NPAS3: variants seen among roughly 807,000 people sequenced by gnomAD.
NPAS3 encodes the protein neuronal PAS domain protein 3, also known as neuronal PAS domain-containing protein 3.
In NPAS3, 14 loss-of-function variants were observed where a neutral mutation model predicts 73.1. The observed-to-expected ratio is 0.19, with a 90% CI of 0.13 to 0.30. The LOEUF is 0.30. NPAS3 is among the 10% of genes least tolerant of loss of function. NPAS3 has a pLI of 1.00. For missense variants in NPAS3, 1,096 were observed against 1,250.0 expected (o/e 0.88, Z 1.86); for synonymous variants, 620 against 541.5 (o/e 1.14, Z -2.01).
At chr14:33,023,102 A>G (rs945507334) in intron 1 of NPAS3, among the ~76,000 whole-genome samples, 2 of 151,914 alleles carry the variant, frequency 1.3e-5, no homozygotes, top group South Asian at 4.2e-4. Context: ...TAAAAAAAAA[A>G]GAAAAGAGGC....
intron 2 of NPAS3, among the ~76,000 whole-genome samples, chr14:33,075,334 T>C (rs1055939238): frequency 6.6e-6 from 1 of 152,236 alleles, no homozygotes; most frequent in Non-Finnish European, 1.5e-5. Context: ...TTATTAGCAA[T>C]GTGTTAAGTA....
At chr14:33,794,776 G>A (rs1391178339) in intron 10 of NPAS3, among the ~76,000 whole-genome samples, 1 of 152,088 alleles carries the variant, frequency 6.6e-6, no homozygotes. Context: ...TTCTGCCTTT[G>A]GATTCAAACT....
intron 2 of NPAS3, among the ~76,000 whole-genome samples, chr14:33,060,988 C>A (rs1380324931): frequency 6.6e-6 from 1 of 152,128 alleles, no homozygotes; most frequent in African/African-American, 2.4e-5. Context: ...GATTTGGATT[C>A]ACAACCAAAA....
At chr14:33,155,601 G>A (rs371163033) in intron 2 of NPAS3, among the ~76,000 whole-genome samples, 4 of 152,142 alleles carry the variant, frequency 2.6e-5, no homozygotes, top group East Asian at 3.9e-4. Flanking sequence ...TGTGCTAGTT[G>A]CTTAAGAGAT....
chr14:33,665,657 A>C (rs35570089), intron 5 of NPAS3, among the ~76,000 whole-genome samples: 2,102 of 152,302 alleles, frequency 0.014, 24 homozygotes, highest in Middle Eastern at 0.041. Context: ...GTAGCCACAA[A>C]AAATTTTTAA....
At chr14:33,050,765 C>T (rs1004517772) in intron 1 of NPAS3, among the ~76,000 whole-genome samples, 7 of 152,186 alleles carry the variant, frequency 4.6e-5, no homozygotes, top group African/African-American at 1.7e-4. Context: ...CTGTTTTCAG[C>T]CTATAGTTTA....
At chr14:33,631,678 C>G (rs182984496) in intron 5 of NPAS3, among the ~76,000 whole-genome samples, 3 of 152,286 alleles carry the variant, frequency 2.0e-5, no homozygotes, top group African/African-American at 7.2e-5. Context: ...CTTGTGAACT[C>G]AGCTTAGGAA....
chr14:33,575,622 T>A (rs147637474), intron 5 of NPAS3, among the ~76,000 whole-genome samples: 2 of 152,218 alleles, frequency 1.3e-5, no homozygotes, highest in African/African-American at 4.8e-5. Flanking sequence ...TTCAGTGAGC[T>A]CTTGGTAAGA....
chr14:33,553,429 T>A lies in NPAS3; in HGVS notation c.469-6692T>A, dbSNP rs540174528. Among the ~76,000 whole-genome samples the A allele has an allele frequency of 3.3e-5, 5 of 152,362 alleles. No individual in the cohort carries two copies. In the South Asian group the frequency reaches 1.0e-3, roughly 32 times the overall value. ...TATGGCTCTTAACTGTTTTCTCACC[T>A]AAGAGGTTTCAATTTACATGTTGTG... is the stretch of plus-strand genomic sequence containing the variant. On this transcript the variant is annotated intron_variant, in intron 4 of 11. Transcript: ENST00000356141.
intron 3 of NPAS3, among the ~76,000 whole-genome samples, chr14:33,308,575 GTAT>G (rs371571480): frequency 0.65 from 86,299 of 131,930 alleles, 27,993 homozygotes; most frequent in Middle Eastern, 0.7. Context: ...TTATATATAT[GTAT>G]ATCTATATAT....
At chr14:33,683,459 G>T (rs184997694) in intron 6 of NPAS3, among the ~76,000 whole-genome samples, 29 of 139,842 alleles carry the variant, frequency 2.1e-4, no homozygotes, top group African/African-American at 6.1e-4. Context: ...AAAGGTGGCC[G>T]TCTCTGTCAT....
chr14:33,158,707 G>A (rs1283218770), intron 2 of NPAS3, among the ~76,000 whole-genome samples: 1 of 152,162 alleles, frequency 6.6e-6, no homozygotes, highest in Non-Finnish European at 1.5e-5. Flanking sequence ...AGAGGAAACA[G>A]CTAGTGCAAA....
intron 1 of NPAS3, among the ~76,000 whole-genome samples, chr14:32,961,902 A>G (rs1321293733): frequency 1.3e-5 from 2 of 152,218 alleles, no homozygotes; most frequent in Admixed American, 1.3e-4. Context: ...TTGGAAGTTC[A>G]AATACAGAAT....
chr14:33,604,999 A>G (rs1402052281), intron 5 of NPAS3, among the ~76,000 whole-genome samples: 1 of 152,188 alleles, frequency 6.6e-6, no homozygotes, highest in Non-Finnish European at 1.5e-5. Flanking sequence ...GTTTGAAAAT[A>G]AGAAATTAGC....
intron 1 of NPAS3, among the ~76,000 whole-genome samples, chr14:32,951,539 T>A (rs567191913): frequency 3.9e-4 from 60 of 152,190 alleles, no homozygotes; most frequent in Admixed American, 6.5e-4. Context: ...AAGTGACATA[T>A]GATGCTAAGA....
chr14:33,763,586 A>G (rs1231382037), intron 7 of NPAS3, among the ~76,000 whole-genome samples: 1 of 152,210 alleles, frequency 6.6e-6, no homozygotes, highest in Non-Finnish European at 1.5e-5. Context: ...CAATGAAAAA[A>G]TAGATGCTGA....
Position 33,710,005 on chromosome 14 carries a change from G to A in NPAS3, c.734-25209G>A, listed in dbSNP as rs568836639. Among the ~76,000 whole-genome samples, 3 of 152,356 alleles carry A rather than the reference G, an allele frequency of 2.0e-5. No individual in the cohort carries two copies. In the East Asian group the frequency reaches 5.8e-4, roughly 29 times the overall value. ...TTGTGTTAGCAAGAGCAAACCACCA[G>A]AGAGATGTGTTTACACATTCAACAT... On this transcript the variant is annotated intron_variant, in intron 6 of 11. Transcript: ENST00000356141.
At position 33,531,614 on chromosome 14, in the gene NPAS3, C is replaced by T. The variant is rs551657244; in HGVS notation, c.469-28507C>T. Among the ~76,000 whole-genome samples, 9 of 152,096 alleles carry T rather than the reference C, an allele frequency of 5.9e-5. No individual in the cohort carries two copies. In the South Asian group the frequency reaches 8.3e-4, roughly 14 times the overall value. On this transcript the variant is annotated intron_variant, in intron 4 of 11. Transcript: ENST00000356141. ...TTGGGTTGATTCAATATTTTGGCACCGATGAGCAGAGTTGTTATAAATATT... is the reference window on the plus strand; with the variant it reads ...TTGGGTTGATTCAATATTTTGGCACTGATGAGCAGAGTTGTTATAAATATT...
intron 6 of NPAS3, among the ~76,000 whole-genome samples, chr14:33,721,669 T>C (rs1346198000): frequency 6.6e-6 from 1 of 152,214 alleles, no homozygotes; most frequent in African/African-American, 2.4e-5. Context: ...CATTGACTAT[T>C]TCAAGAAAAT....
Sources: allele counts gnomAD v4.1 joint callset (sites outside exome capture counted in the v4.1 genomes callset), GRCh38; gene constraint gnomAD v4.1.1; transcripts MANE v1.5; gene names NCBI Gene and HGNC (gene_info 2026-07-23, HGNC 2026-07-21).